The following CYTH3 variants were observed in gnomAD, a reference collection of about 807,000 sequenced individuals.
The protein encoded by CYTH3 is cytohesin-3.
CYTH3 carries 23 observed loss-of-function variants against 55.1 expected under a neutral mutation model. The observed-to-expected ratio is 0.42, with a 90% CI of 0.30 to 0.59. The LOEUF is 0.59. Among genes scored for constraint, CYTH3 ranks in the 20% least tolerant of loss-of-function variants. The pLI, the probability that CYTH3 is intolerant of heterozygous loss-of-function variation, is 0.20. For missense variants in CYTH3, 413 were observed against 524.8 expected (o/e 0.79, Z 2.08); for synonymous variants, 249 against 194.9 (o/e 1.28, Z -2.31).
chr7:6,222,776 A>G (rs1405492472), intron 1 of CYTH3, among the ~76,000 whole-genome samples: 2 of 145,692 alleles, frequency 1.4e-5, no homozygotes, highest in Non-Finnish European at 3.0e-5. Context: ...CCAAAAAAGC[A>G]AAAAAAAAAC....
chr7:6,181,771 A>T (rs746718375), intron 4 of CYTH3, among the ~76,000 whole-genome samples: 1 of 152,144 alleles, frequency 6.6e-6, no homozygotes, highest in Non-Finnish European at 1.5e-5. Flanking sequence ...CCCACCGTGC[A>T]TGTTTTCTTG....
At chr7:6,244,832 A>G (rs1779760749) in intron 1 of CYTH3, among the ~76,000 whole-genome samples, 1 of 151,764 alleles carries the variant, frequency 6.6e-6, no homozygotes, top group Non-Finnish European at 1.5e-5. Flanking sequence ...TCTGTCACCC[A>G]GGCTGGAGTG....
chr7:6,254,412 G>C (rs1480353913), intron 1 of CYTH3, among the ~76,000 whole-genome samples: 1 of 152,198 alleles, frequency 6.6e-6, no homozygotes, highest in African/African-American at 2.4e-5. Context: ...AATGTCCTTA[G>C]AAGACGAGTG....
In CYTH3 at chr7:6,162,010, A is replaced by G. The variant is rs1292966392; in HGVS notation, c.*2934T>C. 1 of 152,686 alleles carries G rather than the reference A, an allele frequency of 6.5e-6. No homozygotes were observed. Among genetic ancestry groups the G allele is most frequent in the Non-Finnish European group, 1.5e-5 (1 of 68,042 alleles). 9.5% of individuals were successfully genotyped at this position (152,686 alleles called of 1,614,324 possible). Reference sequence around the variant, plus strand: ...CCGCAAATAGAAATATTTTCTAAGAAAAAAAGTCAATTTGTGGTTTCTGGT... The same window carrying G: ...CCGCAAATAGAAATATTTTCTAAGAGAAAAAGTCAATTTGTGGTTTCTGGT... On this transcript the variant is annotated 3_prime_UTR_variant, in exon 13 of 13. Transcript: ENST00000350796.
intron 1 of CYTH3, among the ~76,000 whole-genome samples, chr7:6,213,493 T>C (rs1784364685): frequency 6.6e-6 from 1 of 152,160 alleles, no homozygotes; most frequent in Non-Finnish European, 1.5e-5. Flanking sequence ...ATTCCATTCT[T>C]TGCAATACAA....
At chr7:6,218,653 A>G (rs1191342873) in intron 1 of CYTH3, among the ~76,000 whole-genome samples, 2 of 152,218 alleles carry the variant, frequency 1.3e-5, no homozygotes, top group African/African-American at 4.8e-5. Flanking sequence ...ATAATTTTGA[A>G]GATGACGATA....
chr7:6,181,883 C>A (rs116753366), intron 4 of CYTH3, among the ~76,000 whole-genome samples: 1 of 152,164 alleles, frequency 6.6e-6, no homozygotes, highest in Non-Finnish European at 1.5e-5. Flanking sequence ...TGATGTGACA[C>A]ACACTCCTAG....
At chr7:6,222,503 C>T (rs750720619) in intron 1 of CYTH3, among the ~76,000 whole-genome samples, 1 of 152,034 alleles carries the variant, frequency 6.6e-6, no homozygotes, top group East Asian at 1.9e-4. Flanking sequence ...TCCCAGCACT[C>T]GGGGAGGCCA....
chr7:6,170,511 G>T lies in CYTH3; in HGVS notation c.823+24C>A. The T allele has an allele frequency of 6.2e-7, 1 of 1,609,550 alleles. No homozygotes were observed. Among genetic ancestry groups the T allele is most frequent in the Non-Finnish European group, 8.5e-7 (1 of 1,176,812 alleles). ...GCCATGGGCAGAGGGGTCACGCCCG[G>T]GTCCCGCTGGGCCGGCGGCTCACCC... On this transcript the variant is annotated intron_variant, in intron 9 of 12. Transcript: ENST00000350796. The surrounding 1 kb of genome is among the most constrained non-coding windows in gnomAD (Gnocchi z 7.8).
chr7:6,181,850 G>A lies in CYTH3; in HGVS notation c.250-3909C>T, dbSNP rs188464457. 6.1e-3 allele frequency among the ~76,000 whole-genome samples: 924 copies of A among 152,132 alleles called. 18 individuals carry two copies. Among genetic ancestry groups the A allele is most frequent in the African/African-American group, 0.021 (859 of 41,508 alleles). On this transcript the variant is annotated intron_variant, in intron 4 of 12. Coordinates refer to ENST00000350796, the MANE Select transcript of CYTH3 (RefSeq NM_004227.4). Reference sequence around the variant, plus strand: ...TAGCACACGTCCACTCTTCAGCCACGTCTTCTCCATATGCTCAAGTGATGA... The same window carrying A: ...TAGCACACGTCCACTCTTCAGCCACATCTTCTCCATATGCTCAAGTGATGA...
intron 5 of CYTH3, 114 bp from the exon 6 acceptor site, chr7:6,173,847 C>A: frequency 1.4e-6 from 1 of 695,230 alleles, no homozygotes; most frequent in Non-Finnish European, 2.6e-6. Flanking sequence ...TTCTGCATGG[C>A]CATGCTTTTT....
chr7:6,223,834 A>C (rs1450033586), intron 1 of CYTH3, among the ~76,000 whole-genome samples: 1 of 136,684 alleles, frequency 7.3e-6, no homozygotes. Flanking sequence ...ATCAATAAAT[A>C]CTAAAAAAAA....
chr7:6,248,909 C>G (rs1562410666), intron 1 of CYTH3, among the ~76,000 whole-genome samples: 3 of 152,200 alleles, frequency 2.0e-5, no homozygotes, highest in Non-Finnish European at 4.4e-5. Context: ...AGAAGTGAGA[C>G]AAAGCCTAGT....
At chr7:6,213,846 T>A (rs965150373) in intron 1 of CYTH3, among the ~76,000 whole-genome samples, 19 of 151,976 alleles carry the variant, frequency 1.3e-4, no homozygotes, top group Non-Finnish European at 1.5e-5. Context: ...GCCCATTCTG[T>A]CTGGATGTTC....
At chr7:6,201,730 G>A (rs1784062260) in intron 1 of CYTH3, among the ~76,000 whole-genome samples, 1 of 152,100 alleles carries the variant, frequency 6.6e-6, no homozygotes. Flanking sequence ...GAAGTAATTT[G>A]CTCTCAAGTT....
intron 5 of CYTH3, among the ~76,000 whole-genome samples, chr7:6,176,525 C>A (rs1346332341): frequency 6.6e-6 from 1 of 151,930 alleles, no homozygotes; most frequent in Non-Finnish European, 1.5e-5. Flanking sequence ...CCTCCCAAAG[C>A]GCTGGGATTA....
At chr7:6,179,906 CCACACACACACAAACCACA>C (rs1783462251) in intron 4 of CYTH3, among the ~76,000 whole-genome samples, 1 of 143,202 alleles carries the variant, frequency 7.0e-6, no homozygotes, top group Admixed American at 6.9e-5. Flanking sequence ...CCACACACAA[CCACACACACACAAACCACA>C]CACACACACA....
At position 6,254,480 on chromosome 7, in the gene CYTH3, G is replaced by A. The variant is rs141186447; in HGVS notation, c.34+17994C>T. ...TTGTAACTTTTTGAGACGGAGTCTCGTTCTGTCGTCTAGGCTGGAGTGCAG... is the reference window on the plus strand; with the variant it reads ...TTGTAACTTTTTGAGACGGAGTCTCATTCTGTCGTCTAGGCTGGAGTGCAG... On this transcript the variant is annotated intron_variant, in intron 1 of 12. Transcript: ENST00000350796. Among the ~76,000 whole-genome samples, 23 of 152,302 alleles carry A rather than the reference G, an allele frequency of 1.5e-4. No homozygotes were observed. In the East Asian group the frequency reaches 3.1e-3, roughly 20 times the overall value.
chr7:6,172,933 A>G, intron 6 of CYTH3: 1 of 1,161,202 alleles, frequency 8.6e-7, no homozygotes, highest in South Asian at 1.6e-5. Context: ...ATGAGCAAAC[A>G]GTCCACGTAA....
Sources: allele counts gnomAD v4.1 joint callset (sites outside exome capture counted in the v4.1 genomes callset), GRCh38; gene constraint gnomAD v4.1.1; non-coding constraint Gnocchi (gnomAD v3.1); transcripts MANE v1.5; gene names NCBI Gene and HGNC (gene_info 2026-07-23, HGNC 2026-07-21).